The following WASF2 variants were observed in gnomAD, a reference collection of about 807,000 sequenced individuals.
WASF2 encodes actin-binding protein WASF2.
Under a neutral mutation model 45.0 loss-of-function variants are expected in WASF2, and 14 were observed. The observed-to-expected ratio is 0.31, with a 90% CI of 0.21 to 0.49. The LOEUF (loss-of-function observed/expected upper bound fraction) is 0.49. WASF2 is among the 20% of genes least tolerant of loss of function. The probability of loss-of-function intolerance (pLI) is 0.99; values close to 1 mark genes in which losing one functional copy is unlikely to be tolerated. For synonymous variants in WASF2, 200 were observed against 236.3 expected (o/e 0.85, Z 1.41); for missense variants, 439 against 636.1 (o/e 0.69, Z 3.33).
intron 1 of WASF2, among the ~76,000 whole-genome samples, chr1:27,443,770 C>G (rs2017276553): frequency 6.6e-6 from 1 of 151,858 alleles, no homozygotes; most frequent in African/African-American, 2.4e-5. Flanking sequence ...CTACCTTATA[C>G]TATAGTTGTA....
At position 27,441,069 on chromosome 1, in the gene WASF2, T is replaced by C. The variant is rs144136380; in HGVS notation, c.-43-12136A>G. Among the ~76,000 whole-genome samples, 996 of 151,618 alleles carry C rather than the reference T, an allele frequency of 6.6e-3. 12 individuals are homozygous for C. Among genetic ancestry groups the C allele is most frequent in the African/African-American group, 0.023 (942 of 41,366 alleles). On this transcript the variant is annotated intron_variant, in intron 1 of 8. Coordinates refer to ENST00000618852, the MANE Select transcript of WASF2 (RefSeq NM_006990.5). ...TTTTGGTAGAGATGGGGTTTCACCA[T>C]GTTGCCTAGGGTAGTCTCGAACTCC...
chr1:27,487,743 C>A (rs138580176), intron 1 of WASF2, among the ~76,000 whole-genome samples: 5,242 of 117,084 alleles, frequency 0.045, 479 homozygotes, highest in East Asian at 0.34. Flanking sequence ...TAATGTATAT[C>A]ATATTATATA....
At chr1:27,437,541 T>C (rs772223763) in intron 1 of WASF2, among the ~76,000 whole-genome samples, 2 of 152,222 alleles carry the variant, frequency 1.3e-5, no homozygotes, top group Non-Finnish European at 2.9e-5. Flanking sequence ...CCCAATTCCT[T>C]GTTATGGATC....
At chr1:27,440,326 C>T (rs2148118302) in intron 1 of WASF2, among the ~76,000 whole-genome samples, 1 of 152,254 alleles carries the variant, frequency 6.6e-6, no homozygotes, top group Non-Finnish European at 1.5e-5. Context: ...GCTTTTTAGA[C>T]CAGTCTAGGC....
intron 1 of WASF2, among the ~76,000 whole-genome samples, chr1:27,458,218 C>T (rs912702685): frequency 2.1e-5 from 3 of 145,672 alleles, no homozygotes; most frequent in Non-Finnish European, 3.0e-5. Context: ...GAGGCTGAGG[C>T]AGGAGAAGTG....
chr1:27,487,011 ATAT>A lies in WASF2; in HGVS notation c.-44+2972_-44+2974del, dbSNP rs1271577413. ...ATATTTACATATAATCTACATTTAT[ATAT>A]TATATATAAATTTTATATATAATCT... On this transcript the variant is annotated intron_variant, in intron 1 of 8. Coordinates refer to ENST00000618852, the MANE Select transcript of WASF2 (RefSeq NM_006990.5). 2.0e-5 allele frequency among the ~76,000 whole-genome samples: 3 copies of A among 147,490 alleles called. No homozygotes were observed. In the Admixed American group the frequency reaches 2.1e-4, roughly 10 times the overall value.
In WASF2 at chr1:27,428,788, T is replaced by C; in HGVS notation, c.103A>G (p.Asn35Asp). 1 of 1,614,134 alleles carries C rather than the reference T, an allele frequency of 6.2e-7. No homozygotes were observed. Among genetic ancestry groups the C allele is most frequent in the Non-Finnish European group, 8.5e-7 (1 of 1,180,010 alleles). Residue 35 changes from asparagine to aspartate, a missense_variant, in exon 2 of 9, where the codon AAT becomes GAT. Coordinates refer to ENST00000618852, the MANE Select transcript of WASF2 (RefSeq NM_006990.5). ...AGGCTGCCCAGCTGTCGGATGACATTTGCCAGGGTGATGTTGGTCACGCAT... is the reference window on the plus strand; with the variant it reads ...AGGCTGCCCAGCTGTCGGATGACATCTGCCAGGGTGATGTTGGTCACGCAT... ...LECVTNITLA[N>D]VIRQLGSLSK...
intron 1 of WASF2, among the ~76,000 whole-genome samples, chr1:27,484,615 G>T (rs1205626433): frequency 6.6e-6 from 1 of 151,880 alleles, no homozygotes; most frequent in African/African-American, 2.4e-5. Context: ...AGACCATCCT[G>T]GCTAACAAGG....
intron 8 of WASF2, among the ~76,000 whole-genome samples, chr1:27,409,206 C>CTT: frequency 6.6e-6 from 1 of 152,040 alleles, no homozygotes; most frequent in Non-Finnish European, 1.5e-5. Context: ...GGGCGGATCA[C>CTT]AAGGTCAGGA....
At chr1:27,417,746 C>T (rs566944370) in intron 4 of WASF2, among the ~76,000 whole-genome samples, 15 of 152,288 alleles carry the variant, frequency 9.8e-5, no homozygotes, top group African/African-American at 3.1e-4. Flanking sequence ...ACAAAGTGAA[C>T]GATGCTCATT....
chr1:27,422,098 C>G (rs1322434979), intron 2 of WASF2, among the ~76,000 whole-genome samples: 1 of 150,872 alleles, frequency 6.6e-6, no homozygotes, highest in African/African-American at 2.4e-5. Flanking sequence ...GGATTTCCTG[C>G]TCCTTAAGTG....
intron 1 of WASF2, among the ~76,000 whole-genome samples, chr1:27,479,636 G>A (rs956964193): frequency 1.3e-5 from 2 of 152,106 alleles, no homozygotes; most frequent in African/African-American, 2.4e-5. Context: ...AGGCCAAGGC[G>A]GGTGGATCAC....
At chr1:27,441,722 C>T (rs1389752004) in intron 1 of WASF2, among the ~76,000 whole-genome samples, 1 of 136,512 alleles carries the variant, frequency 7.3e-6, no homozygotes, top group African/African-American at 2.9e-5. Flanking sequence ...CCACTGCACT[C>T]CAGGCTGGGT....
At chr1:27,468,145 C>T (rs956081180) in intron 1 of WASF2, among the ~76,000 whole-genome samples, 9 of 151,880 alleles carry the variant, frequency 5.9e-5, no homozygotes, top group Non-Finnish European at 1.2e-4. Flanking sequence ...GTTGACCAGG[C>T]TGAAATTTTA....
intron 2 of WASF2, among the ~76,000 whole-genome samples, chr1:27,422,553 A>C (rs1001268639): frequency 1.4e-5 from 2 of 143,192 alleles, no homozygotes; most frequent in Non-Finnish European, 3.0e-5. Context: ...CAGGAGGCGG[A>C]GCTTGCAGTG....
intron 2 of WASF2, among the ~76,000 whole-genome samples, chr1:27,427,400 A>C (rs1434904408): frequency 1.3e-5 from 2 of 152,186 alleles, no homozygotes; most frequent in African/African-American, 4.8e-5. Context: ...TGATTGATTG[A>C]CTTCCACCCA....
intron 1 of WASF2, among the ~76,000 whole-genome samples, chr1:27,440,692 A>G (rs1326323312): frequency 6.6e-6 from 1 of 152,164 alleles, no homozygotes; most frequent in Non-Finnish European, 1.5e-5. Context: ...CCTGAGCTCA[A>G]GCAATCCTCC....
Position 27,410,150 on chromosome 1 carries a change from A to T in WASF2, c.881T>A (p.Val294Glu), listed in dbSNP as rs770869341. ...TGGTGGTGGATGGCTTGGGCTGACC[A>T]CACTGGATCTTTTGGGTCCAGCCAA... ...SGLAGPKRSS[V>E]VSPSHPPPAP... The change falls in exon 8 of 9, where the codon GTG becomes GAG. Residue 294 changes from valine (V) to glutamate (E), a missense_variant. Around this residue, in one of 5 missense-constraint regions of WASF2, gnomAD observed 286 missense variants for 373.5 expected, o/e 0.77. Transcript: ENST00000618852. The surrounding 1 kb of genome is among the most constrained non-coding windows in gnomAD (Gnocchi z 4.2). 2.5e-5 allele frequency: 41 copies of T among 1,614,028 alleles called. No homozygotes were observed. The highest frequency in any genetic ancestry group is 3.3e-5 in the Non-Finnish European group (39 of 1,179,990).
intron 1 of WASF2, among the ~76,000 whole-genome samples, chr1:27,461,071 G>A (rs1234427883): frequency 2.6e-5 from 4 of 152,034 alleles, no homozygotes; most frequent in South Asian, 2.1e-4. Context: ...GCGTGAACCC[G>A]GGAGGCGGAG....
Sources: allele counts gnomAD v4.1 joint callset (sites outside exome capture counted in the v4.1 genomes callset), GRCh38; gene constraint gnomAD v4.1.1; regional missense constraint gnomAD v4.1.1; non-coding constraint Gnocchi (gnomAD v3.1); transcripts MANE v1.5; gene names NCBI Gene and HGNC (gene_info 2026-07-23, HGNC 2026-07-21).